TMBIM4: variants seen among roughly 807,000 people sequenced by gnomAD.
TMBIM4 encodes the protein transmembrane BAX inhibitor motif containing 4, also known as protein lifeguard 4.
TMBIM4 carries 28 observed loss-of-function variants against 27.7 expected under a neutral mutation model. That is an observed-to-expected ratio of 1.01 (90% CI 0.75 to 1.38). TMBIM4 has a LOEUF of 1.38. Among genes scored for constraint, TMBIM4 ranks in the 40% most tolerant of loss-of-function variants. The pLI is 0.00. For missense variants in TMBIM4, 265 were observed against 277.5 expected, an observed-to-expected ratio of 0.95 and a Z score of 0.32; for synonymous variants, 115 against 113.1, an observed-to-expected ratio of 1.02 and a Z score of -0.11.
intron 3 of TMBIM4, among the ~76,000 whole-genome samples, chr12:66,150,565 A>AT (rs1323658831): frequency 6.6e-6 from 1 of 152,130 alleles, no homozygotes; most frequent in East Asian, 1.9e-4. Context: ...AGCACGTGCC[A>AT]TAACATCTGG....
In TMBIM4 at chr12:66,138,839, A is replaced by G. The variant is rs375721616; in HGVS notation, c.465-70T>C. On this transcript the variant is annotated intron_variant, in intron 5 of 6. Transcript: ENST00000358230. ...AAAAAACTTTGTAAACCCATTCAAC[A>G]CTTTCTGAAAAAAACATCCATCTGG... The G allele has an allele frequency of 3.5e-3, 4,793 of 1,376,566 alleles. 11 individuals carry two copies. The highest frequency in any genetic ancestry group is 4.0e-3 in the Non-Finnish European group (4,260 of 1,056,794). 85.3% of individuals were successfully genotyped at this position (1,376,566 alleles called of 1,614,324 possible). A position where few individuals can be genotyped will look rare whatever the true frequency, so the allele number is the denominator to read the frequency against.
intron 2 of TMBIM4, 111 bp downstream of exon 2, chr12:66,153,229 T>C: frequency 1.5e-6 from 1 of 685,538 alleles, no homozygotes; most frequent in East Asian, 3.0e-5. Context: ...ATGAACCTTT[T>C]TTACATTTTA....
chr12:66,168,024 G>A (rs11176069), intron 1 of TMBIM4, among the ~76,000 whole-genome samples: 3,198 of 152,084 alleles, frequency 0.021, 69 homozygotes, highest in African/African-American at 0.049. Flanking sequence ...GTTCAAGATC[G>A]GATGGGGCAA....
chr12:66,139,189 A>G (rs2051626762), intron 5 of TMBIM4, among the ~76,000 whole-genome samples: 1 of 152,242 alleles, frequency 6.6e-6, no homozygotes, highest in Non-Finnish European at 1.5e-5. Flanking sequence ...GAAGTTCACA[A>G]TGTACTTTCC....
rs1219456064 is a variant in TMBIM4 at position 66,137,218 on chromosome 12, C to T, written c.*742G>A. The T allele has an allele frequency of 6.6e-6, 1 of 151,986 alleles. No individual in the cohort carries two copies. The highest frequency in any genetic ancestry group is 1.5e-5 in the Non-Finnish European group (1 of 67,986). 9.4% of individuals were successfully genotyped at this position (151,986 alleles called of 1,614,324 possible). A position where few individuals can be genotyped will look rare whatever the true frequency, so the allele number is the denominator to read the frequency against. ...TTCCTTTTAAGCAAAAAGAGATTTA[C>T]AGTTTATAATGGTAAAGACTCTACT... On this transcript the variant is annotated 3_prime_UTR_variant, in exon 7 of 7. Coordinates refer to ENST00000358230, the MANE Select transcript of TMBIM4 (RefSeq NM_016056.4).
chr12:66,167,404 C>A (rs958966774), intron 1 of TMBIM4, among the ~76,000 whole-genome samples: 1 of 152,116 alleles, frequency 6.6e-6, no homozygotes, highest in Non-Finnish European at 1.5e-5. Context: ...TTGCTATGAA[C>A]CTAAAATTGC....
intron 5 of TMBIM4, chr12:66,145,410 G>A (rs1342197502): frequency 6.5e-6 from 1 of 153,138 alleles, no homozygotes; most frequent in African/African-American, 2.4e-5. Flanking sequence ...AAGGATACAG[G>A]TTAATCTAGA....
At chr12:66,153,260 A>G (rs1004534424) in intron 2 of TMBIM4, 80 bp downstream of exon 2, 1 of 842,704 alleles carries the variant, frequency 1.2e-6, no homozygotes, top group South Asian at 1.6e-5. Flanking sequence ...TTAATAGAAA[A>G]AAGTGGATTT....
At chr12:66,143,089 GC>G in intron 5 of TMBIM4, among the ~76,000 whole-genome samples, 1 of 152,122 alleles carries the variant, frequency 6.6e-6, no homozygotes, top group East Asian at 1.9e-4. Flanking sequence ...AAGAAATTCA[GC>G]CTAAGACTTG....
chr12:66,156,305 C>T lies in TMBIM4; in HGVS notation c.98-2857G>A, dbSNP rs116379518. On this transcript the variant is annotated intron_variant, in intron 1 of 6. Coordinates refer to ENST00000358230, the MANE Select transcript of TMBIM4 (RefSeq NM_016056.4). ...TCATTTATCCAAATTTGCTGTTCTC[C>T]CAGTGTTCTCATCGATAACCAGCAC... 8.4e-3 allele frequency among the ~76,000 whole-genome samples: 1,282 copies of T among 152,276 alleles called. 24 individuals carry two copies. Among genetic ancestry groups the T allele is most frequent in the African/African-American group, 0.029 (1,200 of 41,556 alleles).
At chr12:66,162,491 T>C (rs375423771) in intron 1 of TMBIM4, among the ~76,000 whole-genome samples, 2 of 152,142 alleles carry the variant, frequency 1.3e-5, no homozygotes, top group South Asian at 2.1e-4. Flanking sequence ...ACTGTAAAAG[T>C]GATTATATGT....
chr12:66,150,700 C>A (rs2051831825), intron 3 of TMBIM4, among the ~76,000 whole-genome samples: 1 of 152,170 alleles, frequency 6.6e-6, no homozygotes, highest in South Asian at 2.1e-4. Flanking sequence ...CAGGCGTGAG[C>A]CACCACGCCT....
rs953985230 is a variant in TMBIM4 at position 66,137,204 on chromosome 12, CAA to C, written c.*754_*755del. ...TCTTTTACATTTTTTTCCTTTTAAG[CAA>C]AAAGAGATTTACAGTTTATAATGGT... On this transcript the variant is annotated 3_prime_UTR_variant, in exon 7 of 7. Coordinates refer to ENST00000358230, the MANE Select transcript of TMBIM4 (RefSeq NM_016056.4). 4.0e-5 allele frequency: 6 copies of C among 151,754 alleles called. No homozygotes were observed. The highest frequency in any genetic ancestry group is 7.3e-5 in the African/African-American group (3 of 41,304). 9.4% of individuals were successfully genotyped at this position (151,754 alleles called of 1,614,324 possible). A position where few individuals can be genotyped will look rare whatever the true frequency, so the allele number is the denominator to read the frequency against.
intron 5 of TMBIM4, among the ~76,000 whole-genome samples, chr12:66,141,845 A>G (rs900860903): frequency 6.6e-6 from 1 of 152,198 alleles, no homozygotes; most frequent in Non-Finnish European, 1.5e-5. Context: ...GCAAAATTAT[A>G]GAATTTACAT....
At chr12:66,153,562 C>T in intron 1 of TMBIM4, 114 bp from the exon 2 acceptor site, 1 of 530,614 alleles carries the variant, frequency 1.9e-6, no homozygotes, top group Non-Finnish European at 3.3e-6. Flanking sequence ...CCTAATTTTC[C>T]TCCTAATAAT....
intron 1 of TMBIM4, among the ~76,000 whole-genome samples, chr12:66,157,402 A>C (rs2051955790): frequency 6.6e-6 from 1 of 152,198 alleles, no homozygotes; most frequent in African/African-American, 2.4e-5. Flanking sequence ...AGCACTAGCC[A>C]ATATCTTGAC....
chr12:66,158,456 T>C (rs926811804), intron 1 of TMBIM4, among the ~76,000 whole-genome samples: 11 of 151,560 alleles, frequency 7.3e-5, no homozygotes, highest in East Asian at 5.9e-4. Flanking sequence ...CTGGCCAACA[T>C]GGTGAAACCC....
At chr12:66,162,929 C>T (rs2052066572) in intron 1 of TMBIM4, among the ~76,000 whole-genome samples, 1 of 152,204 alleles carries the variant, frequency 6.6e-6, no homozygotes, top group Non-Finnish European at 1.5e-5. Flanking sequence ...TAACTAATGC[C>T]TTAAGAACAG....
chr12:66,153,040 T>C (rs1296415690), intron 2 of TMBIM4, among the ~76,000 whole-genome samples: 1 of 152,088 alleles, frequency 6.6e-6, no homozygotes, highest in African/African-American at 2.4e-5. Context: ...GCACAGGGAA[T>C]ATAGTCTAAT....
Sources: gnomAD v4.1 joint callset for allele counts (sites outside exome capture counted in the v4.1 genomes callset) on GRCh38, gnomAD v4.1.1 for gene constraint, MANE v1.5 for transcripts, NCBI Gene and HGNC (gene_info 2026-07-23, HGNC 2026-07-21) for gene names.